The following NBAS variants were observed in gnomAD, a reference collection of about 807,000 sequenced individuals.
NBAS encodes NBAS subunit of NRZ tethering complex.
A neutral mutation model predicts 302.5 loss-of-function variants in NBAS; 219 were observed. That is an observed-to-expected ratio of 0.72 (90% CI 0.65 to 0.81). The LOEUF (loss-of-function observed/expected upper bound fraction) is 0.81, where lower values mean the gene tolerates loss of function less well. Among genes scored for constraint, NBAS ranks in the 30% least tolerant of loss-of-function variants. The pLI is 0.00. For missense variants in NBAS, 2,932 were observed against 2,841.6 expected (o/e 1.03, Z -0.72); for synonymous variants, 1,118 against 1,021.6 (o/e 1.09, Z -1.80).
At chr2:15,464,327 G>A (rs148204217) in intron 19 of NBAS, among the ~76,000 whole-genome samples, 147 of 151,794 alleles carry the variant, frequency 9.7e-4, no homozygotes, top group African/African-American at 3.4e-3. Flanking sequence ...TGCCTTTTTT[G>A]GACACTATTA....
chr2:15,245,951 T>C (rs1300432236), intron 44 of NBAS, among the ~76,000 whole-genome samples: 2 of 152,206 alleles, frequency 1.3e-5, no homozygotes, highest in Admixed American at 6.5e-5. Context: ...TGGGCTAAAT[T>C]TGACCTGTGG....
chr2:14,883,576 T>C, the NBAS span, among the ~76,000 whole-genome samples: 13,962 of 152,156 alleles, frequency 0.092, 1,026 homozygotes, highest in African/African-American at 0.2. Context: ...TCACTATGAT[T>C]TGGAGTCAAG....
In NBAS at chr2:15,395,177, C is replaced by T. The variant is rs1375426229; in HGVS notation, c.3135-828G>A. The stretch of plus-strand genomic sequence containing the variant: ...GGGTGTTAAGTGTTTCCTTGAGGTA[C>T]TGATGGCATATTAAAACTACCAGGA... On this transcript the variant is annotated intron_variant, in intron 27 of 51. Coordinates refer to ENST00000281513, the MANE Select transcript of NBAS (RefSeq NM_015909.4). Among the ~76,000 whole-genome samples, 3 of 152,080 alleles carry T rather than the reference C, an allele frequency of 2.0e-5. No individual in the cohort carries two copies. In the East Asian group the frequency reaches 5.8e-4, roughly 29 times the overall value.
At chr2:15,558,936 G>T (rs561362368) in intron 1 of NBAS, among the ~76,000 whole-genome samples, 2 of 151,882 alleles carry the variant, frequency 1.3e-5, no homozygotes, top group South Asian at 4.2e-4. Flanking sequence ...AGGCATGGCG[G>T]TGCATGCCTA....
intron 21 of NBAS, among the ~76,000 whole-genome samples, chr2:15,439,839 G>A (rs534563794): frequency 1.1e-3 from 161 of 152,328 alleles, no homozygotes; most frequent in Middle Eastern, 6.8e-3. Flanking sequence ...AAAAAATGGT[G>A]CATCAGGAGA....
Position 15,276,925 on chromosome 2 carries a change from G to A in NBAS, c.5315C>T (p.Ala1772Val), listed in dbSNP as rs965478161. ...TTTAATGGCACAGTTCCCCAAATCT[G>A]CACAGCCACAGTTTTCCAGAAGAGT... ...YFTLLENCGC[A>V]DLGNCAIKPE... is the part of the protein sequence containing the mutation. The change falls in exon 43 of 52, where the codon GCA becomes GTA. Residue 1772 changes from alanine to valine, a missense_variant. Ala to Val is a moderately conservative substitution (Grantham distance 64, BLOSUM62 0). Coordinates refer to ENST00000281513, the MANE Select transcript of NBAS (RefSeq NM_015909.4). 6.2e-7 allele frequency: 1 copy of A among 1,614,034 alleles called. No individual in the cohort carries two copies. Among genetic ancestry groups the A allele is most frequent in the Admixed American group, 1.7e-5 (1 of 60,000 alleles).
chr2:14,973,257 C>A, the NBAS span, among the ~76,000 whole-genome samples: 2 of 152,184 alleles, frequency 1.3e-5, no homozygotes, highest in East Asian at 1.9e-4. Context: ...TGACAGACAC[C>A]TAGTCCTAAA....
chr2:15,202,500 A>T (rs946675993), intron 48 of NBAS, among the ~76,000 whole-genome samples: 1 of 149,296 alleles, frequency 6.7e-6, no homozygotes, highest in African/African-American at 2.5e-5. Flanking sequence ...GTGACCCCCT[A>T]TAAATACGTG....
the NBAS span, among the ~76,000 whole-genome samples, chr2:15,110,270 G>A: frequency 2.0e-5 from 3 of 152,114 alleles, no homozygotes; most frequent in African/African-American, 7.2e-5. Flanking sequence ...ACAGTAGGTA[G>A]TTGTGAGATG....
chr2:15,268,321 G>A (rs907584134), intron 44 of NBAS, among the ~76,000 whole-genome samples: 9 of 152,172 alleles, frequency 5.9e-5, no homozygotes, highest in African/African-American at 1.9e-4. Flanking sequence ...GACGTTTGCT[G>A]CAGAGAAGTA....
intron 47 of NBAS, among the ~76,000 whole-genome samples, chr2:15,220,345 C>G (rs564217412): frequency 6.6e-6 from 1 of 152,306 alleles, no homozygotes; most frequent in South Asian, 2.1e-4. Flanking sequence ...TCATAAGTTA[C>G]TTTTTACAGC....
At chr2:15,144,065 A>ATATATATATAT in the NBAS span, among the ~76,000 whole-genome samples, 642 of 121,460 alleles carry the variant, frequency 5.3e-3, 22 homozygotes, top group East Asian at 0.041. Flanking sequence ...ATATATATAT[A>ATATATATATAT]TATCTCCCAT....
intron 44 of NBAS, among the ~76,000 whole-genome samples, chr2:15,257,176 T>TA (rs1236609975): frequency 1.3e-5 from 2 of 152,194 alleles, no homozygotes; most frequent in African/African-American, 4.8e-5. Context: ...CATTTGGTCT[T>TA]GGACTTTTTT....
the NBAS span, among the ~76,000 whole-genome samples, chr2:14,929,727 G>C: frequency 6.6e-6 from 1 of 152,150 alleles, no homozygotes; most frequent in Non-Finnish European, 1.5e-5. Context: ...GAGAAGATGG[G>C]GTTAAATCTC....
intron 28 of NBAS, among the ~76,000 whole-genome samples, chr2:15,391,019 A>G (rs1675566376): frequency 6.6e-6 from 1 of 152,066 alleles, no homozygotes; most frequent in African/African-American, 2.4e-5. Flanking sequence ...CTGAGACAGG[A>G]GAATCACTTG....
intron 9 of NBAS, among the ~76,000 whole-genome samples, chr2:15,520,228 C>T (rs925358097): frequency 6.6e-6 from 1 of 152,002 alleles, no homozygotes; most frequent in South Asian, 2.1e-4. Flanking sequence ...ATGGCAAGAC[C>T]CCATCGCTTC....
At chr2:14,863,055 G>A in the NBAS span, among the ~76,000 whole-genome samples, 7 of 152,294 alleles carry the variant, frequency 4.6e-5, no homozygotes, top group East Asian at 1.3e-3. Context: ...TTATGTAGAT[G>A]TCTGGCAAAG....
chr2:15,231,385 C>A (rs1429828554), intron 47 of NBAS, among the ~76,000 whole-genome samples: 1 of 152,108 alleles, frequency 6.6e-6, no homozygotes, highest in African/African-American at 2.4e-5. Flanking sequence ...CAAAGCCATG[C>A]AGGGAAATAG....
intron 28 of NBAS, among the ~76,000 whole-genome samples, chr2:15,387,177 C>G (rs1675343096): frequency 6.6e-6 from 1 of 151,708 alleles, no homozygotes; most frequent in African/African-American, 2.4e-5. Context: ...ACGCCATTCT[C>G]CTGCCTCAGC....
Sources: allele counts gnomAD v4.1 joint callset (sites outside exome capture counted in the v4.1 genomes callset), GRCh38; gene constraint gnomAD v4.1.1; transcripts MANE v1.5; gene names NCBI Gene and HGNC (gene_info 2026-07-23, HGNC 2026-07-21).